Variants in MIPEP observed in about 807,000 individuals in gnomAD.
MIPEP encodes mitochondrial intermediate peptidase.
MIPEP carries 79 observed loss-of-function variants against 90.3 expected under a neutral mutation model. The ratio of observed to expected loss-of-function variants is 0.87; its 90% confidence interval spans 0.73 to 1.05. MIPEP has a LOEUF of 1.05. Among genes scored for constraint, MIPEP ranks in the 50% least tolerant of loss-of-function variants. The pLI, the probability that MIPEP is intolerant of heterozygous loss-of-function variation, is 0.00. For missense variants in MIPEP, 940 were observed against 905.6 expected, an observed-to-expected ratio of 1.04 and a Z score of -0.49; for synonymous variants, 334 against 315.8, an observed-to-expected ratio of 1.06 and a Z score of -0.61.
chr13:23,822,613 C>G (rs1459858754), intron 14 of MIPEP, among the ~76,000 whole-genome samples: 5 of 152,154 alleles, frequency 3.3e-5, no homozygotes, highest in African/African-American at 1.2e-4. Flanking sequence ...GGAGTGGGGG[C>G]CCCACCCTCT....
At position 23,882,621 on chromosome 13, in the gene MIPEP, A is replaced by C. The variant is rs569283181; in HGVS notation, c.364-834T>G. Among the ~76,000 whole-genome samples, 4 of 151,830 alleles carry C rather than the reference A, an allele frequency of 2.6e-5. No homozygotes were observed. The South Asian group carries it at 8.3e-4, about 32-fold the overall frequency. Reference sequence around the variant, plus strand: ...AAAACTAAATTTTTGTTTTCATGTCAACTGTAACAAAAAGCAGAGAAACTA... The same window carrying C: ...AAAACTAAATTTTTGTTTTCATGTCCACTGTAACAAAAAGCAGAGAAACTA... On this transcript the variant is annotated intron_variant, in intron 2 of 18. Transcript: ENST00000382172.
chr13:23,877,674 A>G lies in MIPEP; in HGVS notation c.539+1594T>C, dbSNP rs1478275816. ...GACTGAATCTAAGAATAACATGATG[A>G]GTTACTCAATTTAAATCATTCCCTC... On this transcript the variant is annotated intron_variant, in intron 4 of 18. Transcript: ENST00000382172. Among the ~76,000 whole-genome samples, 3 of 152,206 alleles carry G rather than the reference A, an allele frequency of 2.0e-5. No homozygotes were observed. In the East Asian group the frequency reaches 5.8e-4, roughly 29 times the overall value.
rs966039921 is a variant in MIPEP at position 23,766,947 on chromosome 13, A to C, written c.1849-6730T>G. The stretch of plus-strand genomic sequence containing the variant: ...ATGTCTCCATCTCGCTAGCAAGCTC[A>C]CTCTAGAACACTCCTTGTTAGCTAG... On this transcript the variant is annotated intron_variant, in intron 16 of 18. Coordinates refer to ENST00000382172, the MANE Select transcript of MIPEP (RefSeq NM_005932.4). Among the ~76,000 whole-genome samples, 9 of 152,030 alleles carry C rather than the reference A, an allele frequency of 5.9e-5. No individual in the cohort carries two copies. In the South Asian group the frequency reaches 1.9e-3, roughly 32 times the overall value.
intron 18 of MIPEP, among the ~76,000 whole-genome samples, chr13:23,753,222 T>G (rs1025820694): frequency 6.5e-5 from 8 of 123,906 alleles, no homozygotes; most frequent in African/African-American, 2.4e-4. Context: ...AGACTCCATC[T>G]CAAAAAAAAA....
chr13:23,869,514 C>T, intron 6 of MIPEP, 66 bp from the exon 7 acceptor site: 1 of 1,373,250 alleles, frequency 7.3e-7, no homozygotes, highest in African/African-American at 1.5e-5. Context: ...AACAATAACA[C>T]AGGCTCATGC....
chr13:23,873,226 G>A (rs1368069726), intron 5 of MIPEP, among the ~76,000 whole-genome samples: 4 of 152,248 alleles, frequency 2.6e-5, no homozygotes, highest in Non-Finnish European at 5.9e-5. Context: ...CATGGGGGAG[G>A]ACACTGTGTA....
chr13:23,807,205 A>T (rs1245386570), intron 15 of MIPEP, among the ~76,000 whole-genome samples: 2 of 152,248 alleles, frequency 1.3e-5, no homozygotes, highest in Admixed American at 1.3e-4. Flanking sequence ...AAGTACTGAA[A>T]ACTAAATTTT....
At chr13:23,730,812 A>G (rs2138472091) in intron 18 of MIPEP, among the ~76,000 whole-genome samples, 1 of 152,314 alleles carries the variant, frequency 6.6e-6, no homozygotes, top group South Asian at 2.1e-4. Flanking sequence ...GTTTAATTAC[A>G]TATCAAGTTT....
Position 23,757,630 on chromosome 13 carries a change from G to A in MIPEP, c.1971-1012C>T, listed in dbSNP as rs545361232. 3.9e-5 allele frequency among the ~76,000 whole-genome samples: 6 copies of A among 152,152 alleles called. No individual in the cohort carries two copies. The East Asian group carries it at 7.7e-4, about 20-fold the overall frequency. On this transcript the variant is annotated intron_variant, in intron 17 of 18. Transcript: ENST00000382172. Reference sequence around the variant, plus strand: ...ATTACACCAGAAAACCTTGGTTCAGGATAACAGTTAACGGATCAGCAAACT... The same window carrying A: ...ATTACACCAGAAAACCTTGGTTCAGAATAACAGTTAACGGATCAGCAAACT...
chr13:23,862,373 G>T lies in MIPEP; in HGVS notation c.993-11C>A. On this transcript the variant is annotated splice_polypyrimidine_tract_variant and intron_variant, in intron 8 of 18. Coordinates refer to ENST00000382172, the MANE Select transcript of MIPEP (RefSeq NM_005932.4). ...AAATCTTTCAGAGTTCTATAAAACA[G>T]GTTTATCATTACTTGTTAGGACAAA... The T allele has an allele frequency of 6.5e-7, 1 of 1,530,476 alleles. No homozygotes were observed. The highest frequency in any genetic ancestry group is 9.0e-7 in the Non-Finnish European group (1 of 1,117,314). 94.8% of individuals were successfully genotyped at this position (1,530,476 alleles called of 1,614,324 possible).
At chr13:23,744,015 T>C (rs1952358559) in intron 18 of MIPEP, among the ~76,000 whole-genome samples, 1 of 152,228 alleles carries the variant, frequency 6.6e-6, no homozygotes, top group South Asian at 2.1e-4. Context: ...ATCCTAGAGC[T>C]AACTAAATTG....
At chr13:23,849,409 A>C (rs1431641572) in intron 10 of MIPEP, among the ~76,000 whole-genome samples, 1 of 152,204 alleles carries the variant, frequency 6.6e-6, no homozygotes, top group African/African-American at 2.4e-5. Flanking sequence ...TTTTATGACT[A>C]TTTTTTGTAA....
chr13:23,869,696 T>C (rs1870699756), intron 6 of MIPEP, among the ~76,000 whole-genome samples: 1 of 152,178 alleles, frequency 6.6e-6, no homozygotes, highest in South Asian at 2.1e-4. Context: ...AGTGCGTGGA[T>C]CTCTATGCTA....
chr13:23,854,549 A>G (rs778553860), intron 10 of MIPEP, among the ~76,000 whole-genome samples: 1 of 152,180 alleles, frequency 6.6e-6, no homozygotes, highest in Non-Finnish European at 1.5e-5. Context: ...CTTAGCAAGG[A>G]ATAGACAATA....
intron 11 of MIPEP, among the ~76,000 whole-genome samples, 159 bp downstream of exon 11, chr13:23,841,176 A>C (rs1869277077): frequency 6.6e-6 from 1 of 152,206 alleles, no homozygotes; most frequent in Non-Finnish European, 1.5e-5. Flanking sequence ...CAGTGTCTTA[A>C]ATCAGAAGTG....
chr13:23,797,670 T>C (rs1208045649), intron 16 of MIPEP, among the ~76,000 whole-genome samples: 1 of 152,144 alleles, frequency 6.6e-6, no homozygotes, highest in African/African-American at 2.4e-5. Context: ...TAGGTGTAGG[T>C]TGCCACATCA....
rs1566004758 is a variant in MIPEP at position 23,818,060 on chromosome 13, C to CAT, written c.1654-8137_1654-8136insAT. ...GTCATTGTCACAGTTGGGCCATACA[C>CAT]TTAGTTCTGGGTTTTGCAGTGAGCT... On this transcript the variant is annotated intron_variant, in intron 14 of 18. Transcript: ENST00000382172. 8.2e-3 allele frequency among the ~76,000 whole-genome samples: 1,251 copies of CAT among 151,974 alleles called. 18 individuals carry two copies. Among genetic ancestry groups the CAT allele is most frequent in the African/African-American group, 0.029 (1,208 of 41,358 alleles).
intron 10 of MIPEP, among the ~76,000 whole-genome samples, chr13:23,849,150 C>T (rs189699762): frequency 6.6e-5 from 10 of 152,338 alleles, no homozygotes; most frequent in African/African-American, 2.4e-4. Flanking sequence ...AGGCTGAGGC[C>T]GACCTGTGAA....
At chr13:23,831,887 C>G (rs1289890441) in intron 14 of MIPEP, among the ~76,000 whole-genome samples, 1 of 152,134 alleles carries the variant, frequency 6.6e-6, no homozygotes, top group Non-Finnish European at 1.5e-5. Flanking sequence ...TTAGCATTTT[C>G]AATGCTGGGT....
Sources: allele counts gnomAD v4.1 joint callset (sites outside exome capture counted in the v4.1 genomes callset), GRCh38; gene constraint gnomAD v4.1.1; transcripts MANE v1.5; gene names NCBI Gene and HGNC (gene_info 2026-07-23, HGNC 2026-07-21).